Variants in GXYLT1 observed in about 807,000 individuals in gnomAD.
The protein encoded by GXYLT1 is glycosyltransferase 8 domain containing 3.
Under a neutral mutation model 54.0 loss-of-function variants are expected in GXYLT1, and 29 were observed. The ratio of observed to expected loss-of-function variants is 0.54; its 90% CI spans 0.40 to 0.73. The LOEUF (loss-of-function observed/expected upper bound fraction) is 0.73, where lower values mean the gene tolerates loss of function less well. Among genes scored for constraint, GXYLT1 ranks in the 30% least tolerant of loss-of-function variants. GXYLT1 has a pLI of 0.00. For missense variants in GXYLT1, 490 were observed against 553.4 expected (o/e 0.89, Z 1.15); for synonymous variants, 176 against 204.1 (o/e 0.86, Z 1.17).
chr12:42,114,016 C>T (rs1017252458), intron 3 of GXYLT1, among the ~76,000 whole-genome samples: 1 of 152,206 alleles, frequency 6.6e-6, no homozygotes. Flanking sequence ...GAACAACCTG[C>T]TCCGGAATGA....
intron 1 of GXYLT1, among the ~76,000 whole-genome samples, chr12:42,142,340 T>A (rs2065656409): frequency 6.6e-6 from 1 of 150,638 alleles, no homozygotes; most frequent in Non-Finnish European, 1.5e-5. Flanking sequence ...AAAGTTAATT[T>A]TTTTTTTTTT....
chr12:42,085,411 G>A lies in GXYLT1; in HGVS notation c.*2375C>T, dbSNP rs1178814119. 1 of 152,256 alleles carries A rather than the reference G, an allele frequency of 6.6e-6. No individual in the cohort carries two copies. Among genetic ancestry groups the A allele is most frequent in the African/African-American group, 2.4e-5 (1 of 41,472 alleles). The allele number at this position is 152,256 out of a possible 1,614,324, so 9.4% of individuals were successfully genotyped here. A position where few individuals can be genotyped will look rare whatever the true frequency, so the allele number is the denominator to read the frequency against. On this transcript the variant is annotated 3_prime_UTR_variant, in exon 8 of 8. Transcript: ENST00000398675. The stretch of plus-strand genomic sequence containing the variant: ...AAGTCCCAATCAATTAGAGCCCATG[G>A]GGCTGAGATTCTCCGTTCACTGAGG...
chr12:42,123,046 A>G (rs935045945), intron 2 of GXYLT1, among the ~76,000 whole-genome samples: 1 of 152,160 alleles, frequency 6.6e-6, no homozygotes, highest in Non-Finnish European at 1.5e-5. Flanking sequence ...AAAAACAAAA[A>G]TATCACAAAA....
intron 3 of GXYLT1, among the ~76,000 whole-genome samples, chr12:42,113,366 T>C (rs1424876864): frequency 2.0e-5 from 3 of 151,052 alleles, no homozygotes; most frequent in Admixed American, 6.6e-5. Context: ...GACCCATCAG[T>C]GTGCTGTATT....
intron 5 of GXYLT1, among the ~76,000 whole-genome samples, chr12:42,100,965 C>T (rs1237685520): frequency 9.3e-5 from 14 of 151,094 alleles, no homozygotes; most frequent in Admixed American, 9.2e-4. Context: ...ATATATCTTA[C>T]AAGAAATGTA....
intron 5 of GXYLT1, among the ~76,000 whole-genome samples, chr12:42,099,161 TAAC>T (rs1484409668): frequency 6.6e-6 from 1 of 152,162 alleles, no homozygotes; most frequent in Non-Finnish European, 1.5e-5. Context: ...CAACCCATTT[TAAC>T]AACTGTAAGC....
intron 3 of GXYLT1, among the ~76,000 whole-genome samples, chr12:42,109,953 G>A (rs1005627037): frequency 3.3e-5 from 5 of 152,136 alleles, no homozygotes; most frequent in African/African-American, 1.2e-4. Flanking sequence ...AAATCAGAAA[G>A]GTGAAAGACC....
chr12:42,144,459 G>T lies in GXYLT1; in HGVS notation c.188C>A (p.Ala63Glu). 1.6e-6 allele frequency: 2 copies of T among 1,276,636 alleles called. No individual in the cohort carries two copies. The highest frequency in any genetic ancestry group is 2.0e-6 in the Non-Finnish European group (2 of 1,010,414). 79.1% of individuals were successfully genotyped at this position (1,276,636 alleles called of 1,614,324 possible). Residue 63 changes from alanine (A) to glutamate (E), a missense_variant, in exon 1 of 8, where the codon GCG becomes GAG. Around this residue, in one of 2 missense-constraint regions of GXYLT1, gnomAD observed 148 missense variants for 210.7 expected, o/e 0.70. Coordinates refer to ENST00000398675, the MANE Select transcript of GXYLT1 (RefSeq NM_173601.2). ...GRGAVRGAGV[A>E]GPAAHPGVSD... Reference sequence around the variant, plus strand: ...CACGCCGGGATGCGCTGCGGGGCCCGCGACGCCGGCGCCTCTCACGGCGCC... The same window carrying T: ...CACGCCGGGATGCGCTGCGGGGCCCTCGACGCCGGCGCCTCTCACGGCGCC...
chr12:42,119,045 G>A lies in GXYLT1; in HGVS notation c.441C>T (p.Phe147=). ...GTAGCTGATCTTCAGCAAAAATATG[G>A]AATTGAAGAGGTTTGATGCTGAAAA... ...AIIFSIKPLQ[F]HIFAEDQLHH... is the part of the protein sequence containing the mutation. Residue 147 remains phenylalanine, a synonymous_variant, in exon 3 of 8, where the codon TTC becomes TTT. Coordinates refer to ENST00000398675, the MANE Select transcript of GXYLT1 (RefSeq NM_173601.2). 8 of 1,614,104 alleles carry A rather than the reference G, an allele frequency of 5.0e-6. No homozygotes were observed. Among genetic ancestry groups the A allele is most frequent in the Non-Finnish European group, 5.9e-6 (7 of 1,179,950 alleles).
chr12:42,144,668 T>TCGCCGCCGCTGCCGC lies in GXYLT1; in HGVS notation c.-23_-22insGCGGCAGCGGCGGCG. ...GCATCGCCCCGGCCGCGCTCCTCCTTCGCCGCCGCCGCCGCGCCCGCCCCG... is the reference window on the plus strand; with the variant it reads ...GCATCGCCCCGGCCGCGCTCCTCCTTCGCCGCCGCTGCCGCCGCCGCCGCCGCCGCGCCCGCCCCG... On this transcript the variant is annotated 5_prime_UTR_variant, in exon 1 of 8. Transcript: ENST00000398675. The TCGCCGCCGCTGCCGC allele has an allele frequency of 7.2e-7, 1 of 1,380,352 alleles. No homozygotes were observed. Among genetic ancestry groups the TCGCCGCCGCTGCCGC allele is most frequent in the Non-Finnish European group, 9.5e-7 (1 of 1,056,874 alleles). 85.5% of individuals were successfully genotyped at this position (1,380,352 alleles called of 1,614,324 possible).
intron 3 of GXYLT1, among the ~76,000 whole-genome samples, chr12:42,116,864 A>T (rs1044643743): frequency 6.6e-6 from 1 of 152,186 alleles, no homozygotes; most frequent in African/African-American, 2.4e-5. Context: ...AATAGCAAAG[A>T]CTTGGAACCA....
intron 3 of GXYLT1, among the ~76,000 whole-genome samples, chr12:42,116,512 A>G (rs2065496226): frequency 6.6e-6 from 1 of 152,234 alleles, no homozygotes; most frequent in African/African-American, 2.4e-5. Flanking sequence ...ATGCAGACAA[A>G]AAACACATGA....
rs761669275 is a variant in GXYLT1 at position 42,085,306 on chromosome 12, TGA to T, written c.*2478_*2479del. 6.6e-6 allele frequency: 1 copy of T among 152,284 alleles called. No homozygotes were observed. The highest frequency in any genetic ancestry group is 1.5e-5 in the Non-Finnish European group (1 of 68,060). The allele number at this position is 152,284 out of a possible 1,614,324, so 9.4% of individuals were successfully genotyped here. On this transcript the variant is annotated 3_prime_UTR_variant, in exon 8 of 8. Coordinates refer to ENST00000398675, the MANE Select transcript of GXYLT1 (RefSeq NM_173601.2). ...CAACTGATCCACAATGTAGTGTGTGTGACAGTGTAAATAAGCCACAACATGAG... is the reference window on the plus strand; with the variant it reads ...CAACTGATCCACAATGTAGTGTGTGTCAGTGTAAATAAGCCACAACATGAG...
chr12:42,137,762 G>GGAAAAAAAAAAAA (rs373214719), intron 1 of GXYLT1, among the ~76,000 whole-genome samples: 4 of 107,176 alleles, frequency 3.7e-5, no homozygotes, highest in Non-Finnish European at 5.2e-5. Context: ...ATCTCAAATT[G>GGAAAAAAAAAAAA]AAAAAAAAAA....
chr12:42,130,374 G>A (rs1015536503), intron 1 of GXYLT1, among the ~76,000 whole-genome samples: 1 of 151,992 alleles, frequency 6.6e-6, no homozygotes, highest in Admixed American at 6.6e-5. Flanking sequence ...TATGAAAATG[G>A]TCAATATCAC....
At chr12:42,112,804 C>T (rs959517132) in intron 3 of GXYLT1, among the ~76,000 whole-genome samples, 5 of 150,986 alleles carry the variant, frequency 3.3e-5, no homozygotes. Context: ...CACAAAGATA[C>T]TCCTCAAGAA....
chr12:42,108,898 A>G (rs1463109213), intron 4 of GXYLT1, among the ~76,000 whole-genome samples: 1 of 152,206 alleles, frequency 6.6e-6, no homozygotes, highest in Non-Finnish European at 1.5e-5. Flanking sequence ...GTAAGTATTT[A>G]AATATCATAA....
chr12:42,122,679 A>G (rs2065538283), intron 2 of GXYLT1, among the ~76,000 whole-genome samples: 1 of 152,214 alleles, frequency 6.6e-6, no homozygotes, highest in East Asian at 1.9e-4. Flanking sequence ...AAAGATGAAT[A>G]CCAACCAATA....
intron 2 of GXYLT1, among the ~76,000 whole-genome samples, chr12:42,126,549 G>A (rs906696965): frequency 6.6e-6 from 1 of 152,218 alleles, no homozygotes; most frequent in Non-Finnish European, 1.5e-5. Context: ...ATTGACATGA[G>A]AAATATGAAG....
Sources: allele counts gnomAD v4.1 joint callset (sites outside exome capture counted in the v4.1 genomes callset), GRCh38; gene constraint gnomAD v4.1.1; regional missense constraint gnomAD v4.1.1; transcripts MANE v1.5; gene names NCBI Gene and HGNC (gene_info 2026-07-23, HGNC 2026-07-21).